The following EYS variants were observed in gnomAD, a reference collection of about 807,000 sequenced individuals.
EYS encodes protein eyes shut homolog.
EYS carries 250 observed loss-of-function variants against 282.1 expected under a neutral mutation model. The observed-to-expected ratio is 0.89, with a 90% CI of 0.80 to 0.98. EYS has a LOEUF of 0.98. Among genes scored for constraint, EYS ranks in the 50% least tolerant of loss-of-function variants. The pLI is 0.00. For synonymous variants in EYS, 1,355 were observed against 1,282.9 expected (o/e 1.06, Z -1.20); for missense variants, 4,016 against 3,709.0 (o/e 1.08, Z -2.15).
chr6:65,435,245 A>T (rs1226447287), intron 5 of EYS, among the ~76,000 whole-genome samples: 1 of 152,046 alleles, frequency 6.6e-6, no homozygotes, highest in African/African-American at 2.4e-5. Flanking sequence ...AGTAGATGAA[A>T]GTATCAATGT....
At chr6:65,344,389 CAAG>C (rs1253919878) in intron 9 of EYS, among the ~76,000 whole-genome samples, 2 of 151,284 alleles carry the variant, frequency 1.3e-5, no homozygotes, top group Non-Finnish European at 3.0e-5. Context: ...TACAGCATCA[CAAG>C]AAGAAGAAGA....
chr6:65,529,482 T>C (rs1385875127), intron 2 of EYS, among the ~76,000 whole-genome samples: 4 of 152,116 alleles, frequency 2.6e-5, no homozygotes, highest in Non-Finnish European at 4.4e-5. Flanking sequence ...CTTTGACAGA[T>C]GAAACACAGG....
intron 33 of EYS, among the ~76,000 whole-genome samples, chr6:64,012,240 T>C (rs1768671735): frequency 6.6e-6 from 1 of 152,202 alleles, no homozygotes; most frequent in South Asian, 2.1e-4. Flanking sequence ...GCATATGAAT[T>C]AAGCATTAAC....
At chr6:64,027,484 G>C (rs546197140) in intron 33 of EYS, among the ~76,000 whole-genome samples, 119 of 152,240 alleles carry the variant, frequency 7.8e-4, no homozygotes, top group African/African-American at 2.8e-3. Flanking sequence ...ACTAAACCTG[G>C]CAACCTCGGT....
intron 31 of EYS, among the ~76,000 whole-genome samples, chr6:64,128,613 T>C (rs770903223): frequency 6.6e-6 from 1 of 152,178 alleles, no homozygotes; most frequent in Non-Finnish European, 1.5e-5. Context: ...AGAGAAATTT[T>C]CTAAGTTCTA....
At chr6:64,957,774 A>T (rs904529297) in intron 14 of EYS, among the ~76,000 whole-genome samples, 5 of 152,186 alleles carry the variant, frequency 3.3e-5, no homozygotes, top group Admixed American at 3.3e-4. Context: ...AACCTCCTTC[A>T]TCAAAAAAAA....
intron 31 of EYS, among the ~76,000 whole-genome samples, chr6:64,206,210 T>C (rs1436029549): frequency 3.3e-5 from 5 of 151,962 alleles, no homozygotes; most frequent in Admixed American, 2.6e-4. Flanking sequence ...TTTTATAAAT[T>C]AGAACACTAT....
chr6:65,658,578 A>C (rs550999448), intron 1 of EYS, among the ~76,000 whole-genome samples: 11 of 151,858 alleles, frequency 7.2e-5, no homozygotes, highest in African/African-American at 2.6e-4. Context: ...ACATGATTGT[A>C]TTTTGAGTGA....
At chr6:65,407,500 C>T (rs1455776832) in intron 5 of EYS, among the ~76,000 whole-genome samples, 2 of 152,030 alleles carry the variant, frequency 1.3e-5, no homozygotes, top group Admixed American at 6.6e-5. Flanking sequence ...ATGATCTGCC[C>T]GTCTCGGCCT....
At chr6:63,839,678 C>T (rs549055942) in intron 36 of EYS, among the ~76,000 whole-genome samples, 4 of 152,178 alleles carry the variant, frequency 2.6e-5, no homozygotes, top group Middle Eastern at 3.4e-3. Context: ...CTCCAGTAAA[C>T]ACGAGAAGTG....
intron 28 of EYS, among the ~76,000 whole-genome samples, chr6:64,400,115 T>G (rs1773497177): frequency 6.6e-6 from 1 of 152,108 alleles, no homozygotes; most frequent in African/African-American, 2.4e-5. Flanking sequence ...TTTATAGATA[T>G]ATTGCATTTG....
At chr6:64,857,933 A>G (rs1024890408) in intron 19 of EYS, among the ~76,000 whole-genome samples, 2 of 151,980 alleles carry the variant, frequency 1.3e-5, no homozygotes, top group African/African-American at 4.8e-5. Context: ...TTTATTTCCC[A>G]TTTTTAAATT....
intron 34 of EYS, among the ~76,000 whole-genome samples, chr6:63,988,328 C>A (rs1387088818): frequency 6.6e-6 from 1 of 151,536 alleles, no homozygotes; most frequent in East Asian, 1.9e-4. Flanking sequence ...AAGCACAAAA[C>A]TGGTAGAGAA....
chr6:64,253,331 A>G (rs1767284603), intron 30 of EYS, among the ~76,000 whole-genome samples: 4 of 152,088 alleles, frequency 2.6e-5, no homozygotes, highest in African/African-American at 9.7e-5. Flanking sequence ...ATATTGTTGT[A>G]GATATCAGTG....
chr6:64,703,404 C>CAT lies in EYS; in HGVS notation c.3444-77160_3444-77159insAT, dbSNP rs1583059398. Among the ~76,000 whole-genome samples, 49 of 32,780 alleles carry CAT rather than the reference C, an allele frequency of 1.5e-3. 1 individual carries two copies. Among genetic ancestry groups the CAT allele is most frequent in the East Asian group, 5.6e-3 (11 of 1,956 alleles). 21.5% of individuals were successfully genotyped at this position (32,780 alleles called of 152,430 possible). A position where few individuals can be genotyped will look rare whatever the true frequency, so the allele number is the denominator to read the frequency against. ...ACAGACACACACACACACACACACA[C>CAT]ACACACATATATATATATATATATA... is the stretch of plus-strand genomic sequence containing the variant. On this transcript the variant is annotated intron_variant, in intron 22 of 42. Coordinates refer to ENST00000503581, the MANE Select transcript of EYS (RefSeq NM_001142800.2).
Position 64,096,620 on chromosome 6 carries a change from C to A in EYS, c.6425-14618G>T, listed in dbSNP as rs541155189. Among the ~76,000 whole-genome samples the A allele has an allele frequency of 4.6e-5, 7 of 152,292 alleles. No homozygotes were observed. The South Asian group carries it at 1.5e-3, about 32-fold the overall frequency. On this transcript the variant is annotated intron_variant, in intron 31 of 42. Transcript: ENST00000503581. ...GCTCCATCAGGTCCTTTAAGGACTT[C>A]TCTGCATTGGTTATTCTAGTTAGCC...
intron 5 of EYS, among the ~76,000 whole-genome samples, chr6:65,479,328 G>A (rs781076030): frequency 6.6e-6 from 1 of 152,182 alleles, no homozygotes; most frequent in Non-Finnish European, 1.5e-5. Context: ...AAAATAAATT[G>A]ACGAGTGGAT....
chr6:65,569,034 C>G (rs1305157939), intron 2 of EYS, among the ~76,000 whole-genome samples: 4 of 152,120 alleles, frequency 2.6e-5, no homozygotes, highest in Non-Finnish European at 2.9e-5. Context: ...CCTCTGAGCC[C>G]AAGATAAACC....
rs182322608 is a variant in EYS, at chr6:64,590,266, A to G, written c.5601T>C (p.Ser1867=). ...GAGGTGCCAGAATGGATTCCAGTGA[A>G]GACAAAGTAAGAGATCTAGTGAAGG... is the stretch of plus-strand genomic sequence containing the variant. ...HLPFTRSLTL[S]SLESILAPQR... Residue 1867 remains serine (S), a synonymous_variant, in exon 26 of 43, where the codon TCT becomes TCC. Coordinates refer to ENST00000503581, the MANE Select transcript of EYS (RefSeq NM_001142800.2). 7.1e-3 allele frequency: 11,020 copies of G among 1,550,566 alleles called. 59 individuals are homozygous for G. The highest frequency in any genetic ancestry group is 8.8e-3 in the Non-Finnish European group (10,050 of 1,146,278).
Sources: allele counts gnomAD v4.1 joint callset (sites outside exome capture counted in the v4.1 genomes callset), GRCh38; gene constraint gnomAD v4.1.1; transcripts MANE v1.5; gene names NCBI Gene and HGNC (gene_info 2026-07-23, HGNC 2026-07-21).